Variants in LRIF1 observed in about 807,000 individuals in gnomAD.
The protein encoded by LRIF1 is ligand dependent nuclear receptor interacting factor 1, also known as ligand-dependent nuclear receptor-interacting factor 1.
Under a neutral mutation model 52.7 loss-of-function variants are expected in LRIF1, and 32 were observed. The observed-to-expected ratio is 0.61, with a 90% CI of 0.46 to 0.82. The LOEUF (loss-of-function observed/expected upper bound fraction) is 0.82, where lower values mean the gene tolerates loss of function less well. Ranked by LOEUF, LRIF1 falls within the 40% of genes least tolerant of loss-of-function variation. The pLI is 0.00. For missense variants in LRIF1, 887 were observed against 892.0 expected, an observed-to-expected ratio of 0.99 and a Z score of 0.07; for synonymous variants, 323 against 317.4, an observed-to-expected ratio of 1.02 and a Z score of -0.19.
Position 110,963,822 on chromosome 1 carries a change from T to C in LRIF1, c.-134A>G. 1.6e-6 allele frequency: 1 copy of C among 631,150 alleles called. No homozygotes were observed. 39.1% of individuals were successfully genotyped at this position (631,150 alleles called of 1,614,324 possible). ...ACAGCAACTGTGAGGGGTTCGACCT[T>C]AACGGAGGGCGACAGCGGGCTCTCG... On this transcript the variant is annotated 5_prime_UTR_variant, in exon 1 of 4. Coordinates refer to ENST00000369763, the MANE Select transcript of LRIF1 (RefSeq NM_018372.4).
At chr1:110,887,547 T>C in the LRIF1 span, among the ~76,000 whole-genome samples, 8 of 152,206 alleles carry the variant, frequency 5.3e-5, no homozygotes, top group Non-Finnish European at 8.8e-5. Context: ...CTATAAATCT[T>C]ATTGAGCTTT....
chr1:110,878,432 GAGAA>G, the LRIF1 span, among the ~76,000 whole-genome samples: 1 of 152,290 alleles, frequency 6.6e-6, no homozygotes, highest in Admixed American at 6.5e-5. Context: ...TCTGTATATA[GAGAA>G]ATGTATATGG....
chr1:110,941,010 G>A, the LRIF1 span: 9 of 151,988 alleles, frequency 5.9e-5, no homozygotes. Context: ...AAGGATAAAT[G>A]TTTGAAAAGG....
At chr1:110,896,719 G>C in the LRIF1 span, 3 of 1,613,090 alleles carry the variant, frequency 1.9e-6, no homozygotes, top group Non-Finnish European at 2.5e-6. Context: ...TTGCCCCTCA[G>C]ATCGAAAAGT....
intron 2 of LRIF1, 94 bp from the exon 3 acceptor site, chr1:110,950,217 GAACAT>G: frequency 7.2e-7 from 1 of 1,391,328 alleles, no homozygotes; most frequent in Non-Finnish European, 9.7e-7. Context: ...TTACATAAAA[GAACAT>G]ATCATGCTTT....
intron 1 of LRIF1, 122 bp downstream of exon 1, chr1:110,963,499 G>T (rs1030982843): frequency 1.4e-6 from 1 of 724,842 alleles, no homozygotes; most frequent in East Asian, 2.8e-5. Context: ...TCCCGCCTGG[G>T]TGGCGCACTC....
the LRIF1 span, among the ~76,000 whole-genome samples, chr1:110,906,680 G>A: frequency 6.6e-6 from 1 of 152,086 alleles, no homozygotes; most frequent in Non-Finnish European, 1.5e-5. Flanking sequence ...TCCTGAAGAT[G>A]TATACCCACA....
chr1:110,891,548 CTGGTG>C, the LRIF1 span: 234,862 of 1,099,866 alleles, frequency 0.21, 27,048 homozygotes, highest in Non-Finnish European at 0.24. Context: ...ACTGAAGAGG[CTGGTG>C]TGGGGTAAAA....
At position 110,963,650 on chromosome 1, in the gene LRIF1, T is replaced by A. The variant is rs535794764; in HGVS notation, c.39A>T (p.Ala13=). Residue 13 remains alanine (A), a synonymous_variant, in exon 1 of 4, where the codon GCA becomes GCT. Coordinates refer to ENST00000369763, the MANE Select transcript of LRIF1 (RefSeq NM_018372.4). ...GCGAGGCGTTGCCTGAATTTTCCTC[T>A]GCGGGTTTCAGGAAGACCCTCCGTA... ...NNLRRVFLKP[A]EENSGNASRC... 6.2e-7 allele frequency: 1 copy of A among 1,610,360 alleles called. No individual in the cohort carries two copies. Among genetic ancestry groups the A allele is most frequent in the South Asian group, 1.1e-5 (1 of 90,862 alleles).
chr1:110,877,307 C>G, the LRIF1 span, among the ~76,000 whole-genome samples: 1 of 152,310 alleles, frequency 6.6e-6, no homozygotes, highest in African/African-American at 2.4e-5. Flanking sequence ...AACAAAGTGG[C>G]TTTTCTTATC....
chr1:110,958,001 C>T (rs1658776325), intron 1 of LRIF1, among the ~76,000 whole-genome samples: 1 of 152,156 alleles, frequency 6.6e-6, no homozygotes, highest in Admixed American at 6.5e-5. Flanking sequence ...CAGTATTTTG[C>T]TGATGTTGTT....
At chr1:110,922,502 C>A in the LRIF1 span, among the ~76,000 whole-genome samples, 1 of 151,522 alleles carries the variant, frequency 6.6e-6, no homozygotes, top group African/African-American at 2.4e-5. Flanking sequence ...CAGCACAAAA[C>A]AAAAACAGGT....
chr1:110,916,828 G>A, the LRIF1 span, among the ~76,000 whole-genome samples: 1 of 152,154 alleles, frequency 6.6e-6, no homozygotes, highest in African/African-American at 2.4e-5. Flanking sequence ...AATAAAGAGG[G>A]TCACTTTATA....
the LRIF1 span, among the ~76,000 whole-genome samples, chr1:110,891,779 G>A: frequency 6.6e-6 from 1 of 152,298 alleles, no homozygotes; most frequent in African/African-American, 2.4e-5. Flanking sequence ...TGGATATTGA[G>A]TGCCTCTGTT....
chr1:110,963,588 C>A, intron 1 of LRIF1, 33 bp downstream of exon 1: 3 of 1,580,132 alleles, frequency 1.9e-6, no homozygotes, highest in Non-Finnish European at 2.6e-6. Flanking sequence ...GACAGAGGGG[C>A]AGCCGTGGGG....
the LRIF1 span, among the ~76,000 whole-genome samples, chr1:110,915,785 A>G: frequency 1.3e-4 from 20 of 152,200 alleles, no homozygotes; most frequent in Non-Finnish European, 2.4e-4. Context: ...TGTCTTATTC[A>G]TTTTTTAGAT....
intron 1 of LRIF1, among the ~76,000 whole-genome samples, chr1:110,957,166 T>G (rs1658733110): frequency 6.6e-6 from 1 of 151,960 alleles, no homozygotes; most frequent in Admixed American, 6.6e-5. Flanking sequence ...CCTTAAAGAC[T>G]GCAACAATTC....
chr1:110,900,775 AAGG>A, the LRIF1 span, among the ~76,000 whole-genome samples: 5 of 152,066 alleles, frequency 3.3e-5, no homozygotes, highest in Admixed American at 2.0e-4. Context: ...ACAAAAAAAA[AAGG>A]AGATTATAGA....
chr1:110,951,186 T>G (rs1224604164), intron 2 of LRIF1, 102 bp downstream of exon 2: 4 of 925,444 alleles, frequency 4.3e-6, no homozygotes, highest in East Asian at 5.1e-5. Context: ...GTGATGGGGT[T>G]GGCAGTGGGG....
Sources: gnomAD v4.1 joint callset for allele counts (sites outside exome capture counted in the v4.1 genomes callset) on GRCh38, gnomAD v4.1.1 for gene constraint, MANE v1.5 for transcripts, NCBI Gene and HGNC (gene_info 2026-07-23, HGNC 2026-07-21) for gene names.